PAK5: variants seen among roughly 807,000 people sequenced by gnomAD.
PAK5 encodes the protein serine/threonine-protein kinase PAK 5.
PAK5 carries 16 observed loss-of-function variants against 65.9 expected under a neutral mutation model. That is an observed-to-expected ratio of 0.24 (90% CI 0.16 to 0.37). The LOEUF is 0.37. Ranked by LOEUF, PAK5 falls within the 10% of genes least tolerant of loss-of-function variation. The pLI is 1.00. For synonymous variants in PAK5, 371 were observed against 354.9 expected (o/e 1.05, Z -0.51); for missense variants, 785 against 903.9 (o/e 0.87, Z 1.69).
At chr20:9,682,587 T>G (rs1038656686) in intron 2 of PAK5, among the ~76,000 whole-genome samples, 5 of 152,172 alleles carry the variant, frequency 3.3e-5, no homozygotes, top group African/African-American at 9.6e-5. Context: ...TTTATTGGTC[T>G]GGGGAATTAC....
intron 2 of PAK5, among the ~76,000 whole-genome samples, chr20:9,675,209 G>A (rs1361937374): frequency 3.3e-5 from 5 of 151,708 alleles, no homozygotes; most frequent in African/African-American, 1.2e-4. Context: ...AAATAAAAGA[G>A]GAGAAGAGTT....
At chr20:9,752,253 G>A (rs1348574822) in intron 1 of PAK5, among the ~76,000 whole-genome samples, 1 of 152,144 alleles carries the variant, frequency 6.6e-6, no homozygotes, top group Non-Finnish European at 1.5e-5. Context: ...GGTTTGATAG[G>A]TTCCAGGACT....
At chr20:9,548,367 TC>T (rs2045376091) in intron 7 of PAK5, among the ~76,000 whole-genome samples, 1 of 148,274 alleles carries the variant, frequency 6.7e-6, no homozygotes, top group African/African-American at 2.4e-5. Flanking sequence ...TTGATCACTC[TC>T]TTTTTTTTTT....
intron 1 of PAK5, among the ~76,000 whole-genome samples, chr20:9,835,022 T>C (rs1979030980): frequency 6.6e-6 from 1 of 152,218 alleles, no homozygotes; most frequent in Non-Finnish European, 1.5e-5. Flanking sequence ...TCTTAAAAGA[T>C]GCATTTGTTA....
At chr20:9,691,235 G>A (rs1277421680) in intron 2 of PAK5, among the ~76,000 whole-genome samples, 3 of 152,164 alleles carry the variant, frequency 2.0e-5, no homozygotes, top group Admixed American at 1.3e-4. Flanking sequence ...AGGGGTCCCT[G>A]AGTTACCAGG....
intron 3 of PAK5, among the ~76,000 whole-genome samples, chr20:9,639,678 A>G (rs2047026413): frequency 1.3e-5 from 2 of 152,238 alleles, no homozygotes; most frequent in Admixed American, 1.3e-4. Flanking sequence ...TTTCATATGG[A>G]CTGAATGCTC....
intron 2 of PAK5, among the ~76,000 whole-genome samples, chr20:9,660,879 G>T (rs1423453612): frequency 6.6e-6 from 1 of 152,118 alleles, no homozygotes; most frequent in African/African-American, 2.4e-5. Context: ...AAGTCAGGCC[G>T]CACAGGGCAG....
rs139196570 is a variant in PAK5 at position 9,547,256 on chromosome 20, C to T, written c.1744-2762G>A. 6.0e-3 allele frequency among the ~76,000 whole-genome samples: 916 copies of T among 152,232 alleles called. 12 individuals carry two copies. The highest frequency in any genetic ancestry group is 0.021 in the African/African-American group (867 of 41,534). Reference sequence around the variant, plus strand: ...GAGCTTCCAGAAGGAATCAACACTACCAAAATCTTGATTTTGGACCTCTGG... The same window carrying T: ...GAGCTTCCAGAAGGAATCAACACTATCAAAATCTTGATTTTGGACCTCTGG... On this transcript the variant is annotated intron_variant, in intron 7 of 9. Transcript: ENST00000353224.
chr20:9,719,791 C>T (rs1046780486), intron 1 of PAK5, among the ~76,000 whole-genome samples: 1 of 152,122 alleles, frequency 6.6e-6, no homozygotes, highest in Non-Finnish European at 1.5e-5. Flanking sequence ...GGTGTACTTC[C>T]TCTATAACAC....
intron 1 of PAK5, among the ~76,000 whole-genome samples, chr20:9,774,927 G>T (rs531571523): frequency 6.6e-6 from 1 of 152,214 alleles, no homozygotes; most frequent in Non-Finnish European, 1.5e-5. Context: ...CCGCACTCCA[G>T]CCTGGGCGGC....
At chr20:9,788,277 T>G (rs2049014504) in intron 1 of PAK5, among the ~76,000 whole-genome samples, 3 of 151,914 alleles carry the variant, frequency 2.0e-5, no homozygotes, top group Admixed American at 2.0e-4. Context: ...AACCTATCAT[T>G]GATGAGTGTT....
At chr20:9,591,356 G>C (rs2046167142) in intron 3 of PAK5, among the ~76,000 whole-genome samples, 1 of 152,034 alleles carries the variant, frequency 6.6e-6, no homozygotes, top group African/African-American at 2.4e-5. Context: ...GAGTAGAAAG[G>C]ATAGTCAAAA....
intron 1 of PAK5, among the ~76,000 whole-genome samples, chr20:9,717,044 C>T (rs1224562902): frequency 6.6e-6 from 1 of 150,744 alleles, no homozygotes; most frequent in South Asian, 2.1e-4. Flanking sequence ...GAGATCATGC[C>T]ACCGTATTCC....
At chr20:9,690,552 G>C (rs1673494218) in intron 2 of PAK5, among the ~76,000 whole-genome samples, 1 of 151,864 alleles carries the variant, frequency 6.6e-6, no homozygotes. Context: ...GGGCAACTGG[G>C]CCTCAATCCT....
intron 1 of PAK5, among the ~76,000 whole-genome samples, chr20:9,761,840 T>C (rs1020722466): frequency 5.9e-5 from 9 of 152,168 alleles, no homozygotes; most frequent in African/African-American, 2.2e-4. Flanking sequence ...TTGGAAGTCA[T>C]ACTCCACCTC....
intron 2 of PAK5, among the ~76,000 whole-genome samples, chr20:9,690,750 C>CTTTTTTTTTTT (rs112955560): frequency 3.8e-5 from 4 of 103,978 alleles, no homozygotes; most frequent in South Asian, 3.1e-4. Flanking sequence ...TTCTTTCTTT[C>CTTTTTTTTTTT]TTTTTTTTTT....
chr20:9,816,472 G>C (rs1047827867), intron 1 of PAK5, among the ~76,000 whole-genome samples: 5 of 152,156 alleles, frequency 3.3e-5, no homozygotes, highest in African/African-American at 1.2e-4. Context: ...CCTGGGTAAA[G>C]TGAATTGCCT....
chr20:9,759,426 T>C (rs73895987), intron 1 of PAK5, among the ~76,000 whole-genome samples: 1,824 of 152,302 alleles, frequency 0.012, 40 homozygotes, highest in African/African-American at 0.042. Flanking sequence ...ATTCAGCTAA[T>C]GTCTGCTTGT....
At position 9,648,472 on chromosome 20, in the gene PAK5, C is replaced by CTTT. The variant is rs34935319; in HGVS notation, c.-11-4136_-11-4134dup. 3.3e-3 allele frequency among the ~76,000 whole-genome samples: 479 copies of CTTT among 144,018 alleles called. 6 individuals carry two copies. Among genetic ancestry groups the CTTT allele is most frequent in the African/African-American group, 0.012 (463 of 39,370 alleles). 94.5% of individuals were successfully genotyped at this position (144,018 alleles called of 152,430 possible). A position where few individuals can be genotyped will look rare whatever the true frequency, so the allele number is the denominator to read the frequency against. The stretch of plus-strand genomic sequence containing the variant: ...GAAAACAGGGGTTGAACATAAACCT[C>CTTT]TTTTTTTTTTTTTGCATAAACAGTT... On this transcript the variant is annotated intron_variant, in intron 2 of 9. Coordinates refer to ENST00000353224, the MANE Select transcript of PAK5 (RefSeq NM_177990.4).
Sources: gnomAD v4.1 joint callset for allele counts (sites outside exome capture counted in the v4.1 genomes callset) on GRCh38, gnomAD v4.1.1 for gene constraint, MANE v1.5 for transcripts, NCBI Gene and HGNC (gene_info 2026-07-23, HGNC 2026-07-21) for gene names.